The following DRD2 variants were observed in gnomAD, a reference collection of about 807,000 sequenced individuals.
The protein encoded by DRD2 is D(2) dopamine receptor.
A neutral mutation model predicts 38.0 loss-of-function variants in DRD2; 8 were observed. The observed-to-expected ratio is 0.21, with a 90% CI of 0.12 to 0.38. The LOEUF (loss-of-function observed/expected upper bound fraction) is 0.38, where lower values mean the gene tolerates loss of function less well. Among genes scored for constraint, DRD2 ranks in the 10% least tolerant of loss-of-function variants. The pLI, the probability that DRD2 is intolerant of heterozygous loss-of-function variation, is 1.00. For missense variants in DRD2, 403 were observed against 607.7 expected (o/e 0.66, Z 3.54); for synonymous variants, 230 against 238.6 (o/e 0.96, Z 0.33).
At chr11:113,416,091 T>C (rs2138163707) in intron 4 of DRD2, among the ~76,000 whole-genome samples, 1 of 152,362 alleles carries the variant, frequency 6.6e-6, no homozygotes, top group East Asian at 1.9e-4. Flanking sequence ...TTGCGTGCCC[T>C]TCTAGGTCTA....
At chr11:113,423,157 T>C (rs1473805921) in intron 2 of DRD2, among the ~76,000 whole-genome samples, 1 of 152,228 alleles carries the variant, frequency 6.6e-6, no homozygotes, top group African/African-American at 2.4e-5. Flanking sequence ...TCTGAAGGTG[T>C]CTTCCTGGAG....
At chr11:113,455,420 C>G (rs1241560653) in intron 1 of DRD2, among the ~76,000 whole-genome samples, 1 of 151,750 alleles carries the variant, frequency 6.6e-6, no homozygotes, top group African/African-American at 2.4e-5. Context: ...TGCATATGAC[C>G]CCAAAATCAC....
At chr11:113,465,709 C>G (rs916346794) in intron 1 of DRD2, among the ~76,000 whole-genome samples, 1 of 152,202 alleles carries the variant, frequency 6.6e-6, no homozygotes, top group African/African-American at 2.4e-5. Flanking sequence ...AGTTCTAGTC[C>G]AGCTCTCCTA....
chr11:113,434,318 G>A (rs957662875), intron 1 of DRD2, among the ~76,000 whole-genome samples: 5 of 152,214 alleles, frequency 3.3e-5, no homozygotes, highest in East Asian at 1.9e-4. Flanking sequence ...TGCTCCACAC[G>A]TTTGAGAGAC....
intron 1 of DRD2, among the ~76,000 whole-genome samples, chr11:113,442,375 C>T (rs987565550): frequency 6.6e-6 from 1 of 152,178 alleles, no homozygotes; most frequent in African/African-American, 2.4e-5. Context: ...AACTGAGTTG[C>T]TATTATGTTG....
At chr11:113,463,657 G>T (rs528998665) in intron 1 of DRD2, among the ~76,000 whole-genome samples, 1 of 152,202 alleles carries the variant, frequency 6.6e-6, no homozygotes, top group African/African-American at 2.4e-5. Context: ...TTGCGGGGGC[G>T]GGGCTCAATG....
At chr11:113,452,248 G>T (rs1951216304) in intron 1 of DRD2, among the ~76,000 whole-genome samples, 1 of 152,172 alleles carries the variant, frequency 6.6e-6, no homozygotes, top group Non-Finnish European at 1.5e-5. Flanking sequence ...AAAGCCAGGA[G>T]AAAGGGCAAT....
chr11:113,454,210 G>A (rs1951244939), intron 1 of DRD2, among the ~76,000 whole-genome samples: 1 of 152,042 alleles, frequency 6.6e-6, no homozygotes, highest in Non-Finnish European at 1.5e-5. Context: ...TTTACCAGCG[G>A]ACACTATATG....
At chr11:113,444,568 G>A (rs926896514) in intron 1 of DRD2, among the ~76,000 whole-genome samples, 1 of 152,218 alleles carries the variant, frequency 6.6e-6, no homozygotes, top group African/African-American at 2.4e-5. Context: ...TAACGGGGCT[G>A]TATGTTCCTT....
intron 1 of DRD2, among the ~76,000 whole-genome samples, chr11:113,461,035 G>A (rs766182408): frequency 3.4e-4 from 51 of 152,206 alleles, no homozygotes; most frequent in Middle Eastern, 3.2e-3. Context: ...GCTATGGACC[G>A]GGTCATCAGA....
intron 2 of DRD2, among the ~76,000 whole-genome samples, chr11:113,423,110 C>T (rs1240981501): frequency 1.3e-5 from 2 of 152,214 alleles, no homozygotes; most frequent in East Asian, 3.9e-4. Context: ...TTGTGCCCAC[C>T]GATGATCCCT....
chr11:113,412,411 A>G, intron 7 of DRD2, 145 bp downstream of exon 7: 1 of 1,000,100 alleles, frequency 1.0e-6, no homozygotes, highest in Non-Finnish European at 1.5e-6. Context: ...AATCTACCTA[A>G]TAGGGCTGTC....
chr11:113,413,131 A>G (rs1023846575), intron 6 of DRD2, among the ~76,000 whole-genome samples: 2 of 152,214 alleles, frequency 1.3e-5, no homozygotes, highest in African/African-American at 4.8e-5. Flanking sequence ...CTGTTCTGCC[A>G]GGGCTGAATA....
At chr11:113,417,463 C>G (rs1234919268) in intron 3 of DRD2, among the ~76,000 whole-genome samples, 1 of 151,532 alleles carries the variant, frequency 6.6e-6, no homozygotes, top group Non-Finnish European at 1.5e-5. Flanking sequence ...TTTTTTTTTA[C>G]CCAGCCCTTC....
At chr11:113,411,839 G>A (rs1950772918) in intron 7 of DRD2, 1 of 152,614 alleles carries the variant, frequency 6.6e-6, no homozygotes, top group African/African-American at 2.4e-5. Flanking sequence ...GGATTCAGGT[G>A]CTTCCTGGAA....
intron 4 of DRD2, among the ~76,000 whole-genome samples, chr11:113,416,327 T>C (rs1000123040): frequency 6.6e-5 from 10 of 152,228 alleles, no homozygotes; most frequent in African/African-American, 2.2e-4. Context: ...GTGTTGCCTC[T>C]GTCTGAGACA....
intron 2 of DRD2, among the ~76,000 whole-genome samples, chr11:113,421,456 T>C (rs953101477): frequency 1.3e-5 from 2 of 151,940 alleles, no homozygotes; most frequent in Non-Finnish European, 2.9e-5. Flanking sequence ...ATCTAGAAAA[T>C]AAATGCACAC....
intron 5 of DRD2, 110 bp from the exon 6 acceptor site, chr11:113,414,571 G>T (rs1458328143): frequency 2.8e-5 from 33 of 1,158,434 alleles, no homozygotes; most frequent in Non-Finnish European, 3.8e-5. Flanking sequence ...AGGGCTCAGA[G>T]ATCAGGAGGG....
intron 1 of DRD2, among the ~76,000 whole-genome samples, chr11:113,443,285 A>G (rs753911067): frequency 1.1e-4 from 17 of 151,980 alleles, no homozygotes; most frequent in African/African-American, 1.7e-4. Flanking sequence ...CTTCAATTTC[A>G]TAGTACACTA....
Sources: gnomAD v4.1 joint callset for allele counts (sites outside exome capture counted in the v4.1 genomes callset) on GRCh38, gnomAD v4.1.1 for gene constraint, MANE v1.5 for transcripts, NCBI Gene and HGNC (gene_info 2026-07-23, HGNC 2026-07-21) for gene names.